CFAP47: variants seen among roughly 807,000 people sequenced by gnomAD.
CFAP47 encodes the protein cilia- and flagella-associated protein 47.
In CFAP47, 29 loss-of-function variants were observed where a neutral mutation model predicts 148.1. The ratio of observed to expected loss-of-function variants is 0.20; its 90% CI spans 0.15 to 0.27. The LOEUF (loss-of-function observed/expected upper bound fraction) is 0.27. CFAP47 is among the 10% of genes least tolerant of loss of function. CFAP47 has a pLI of 1.00. For synonymous variants in CFAP47, 664 were observed against 577.3 expected (o/e 1.15, Z -2.15); for missense variants, 1,872 against 1,697.5 (o/e 1.10, Z -1.81).
intron 51 of CFAP47, among the ~76,000 whole-genome samples, chrX:36,291,604 A>G (rs1248736405): frequency 9.3e-6 from 1 of 107,546 alleles, no homozygotes; most frequent in African/African-American, 3.4e-5. Context: ...GGATTCATTT[A>G]TGCAAGTTCA....
Position 36,204,507 on chromosome X carries a change from T to A in CFAP47, c.6664-450T>A, listed in dbSNP as rs147241949. ...GACGAGTTAATGGGTGCAGCACACC[T>A]ACATGGCACATGTATACATATGTAA... On this transcript the variant is annotated intron_variant, in intron 44 of 63. Transcript: ENST00000378653. Among the ~76,000 whole-genome samples the A allele has an allele frequency of 7.1e-3, 791 of 110,850 alleles. 5 individuals are homozygous for A. The highest frequency in any genetic ancestry group is 0.025 in the African/African-American group (749 of 30,440).
intron 3 of CFAP47, among the ~76,000 whole-genome samples, chrX:35,946,175 C>A (rs1936082929): frequency 9.0e-6 from 1 of 111,312 alleles, no homozygotes; most frequent in Non-Finnish European, 1.9e-5. Flanking sequence ...ACCTGGCCAA[C>A]ATTCTTTTTT....
chrX:36,246,775 A>G (rs1940621380), intron 48 of CFAP47, among the ~76,000 whole-genome samples: 1 of 111,530 alleles, frequency 9.0e-6, no homozygotes, highest in Non-Finnish European at 1.9e-5. Context: ...GTCAAATAAT[A>G]ACAGATGTTG....
chrX:36,133,611 C>A (rs1228044179), intron 33 of CFAP47, among the ~76,000 whole-genome samples: 1 of 110,095 alleles, frequency 9.1e-6, no homozygotes, highest in East Asian at 2.9e-4. Context: ...GATCTAATTA[C>A]CTCCTAAAAG....
intron 25 of CFAP47, among the ~76,000 whole-genome samples, chrX:36,043,842 C>T (rs759842661): frequency 1.8e-5 from 2 of 112,612 alleles, no homozygotes; most frequent in African/African-American, 6.4e-5. Context: ...CACATACAAC[C>T]CTACATTTCC....
At chrX:36,112,032 GT>G (rs776269604) in intron 33 of CFAP47, among the ~76,000 whole-genome samples, 4 of 110,711 alleles carry the variant, frequency 3.6e-5, no homozygotes, top group Non-Finnish European at 5.7e-5. Flanking sequence ...CTATTTCATT[GT>G]TTTTTCACAA....
Position 36,300,956 on chromosome X carries a change from G to T in CFAP47, c.7863-116G>T. 9.1e-6 allele frequency: 4 copies of T among 441,126 alleles called. No homozygotes were observed. In the South Asian group the frequency reaches 1.3e-4, roughly 15 times the overall value. 36.4% of individuals were successfully genotyped at this position (441,126 alleles called of 1,213,427 possible). ...GAGTAGTATGTGTTACAGAGTAGTT[G>T]TCAAATGTTGTATTTAAAACCAACT... On this transcript the variant is annotated intron_variant, in intron 52 of 63. Coordinates refer to ENST00000378653, the MANE Select transcript of CFAP47 (RefSeq NM_001304548.2).
At chrX:36,270,461 T>G (rs1602082394) in intron 49 of CFAP47, among the ~76,000 whole-genome samples, 1 of 108,945 alleles carries the variant, frequency 9.2e-6, no homozygotes, top group East Asian at 2.9e-4. Context: ...CTATGTATCT[T>G]GTTTACTAAA....
chrX:36,110,397 A>G (rs1433245857), intron 33 of CFAP47, among the ~76,000 whole-genome samples: 4 of 110,256 alleles, frequency 3.6e-5, no homozygotes, highest in African/African-American at 1.3e-4. Flanking sequence ...TTTTTTGTCA[A>G]TTTTGTCAAA....
chrX:36,029,374 T>G (rs1937256202), intron 22 of CFAP47, among the ~76,000 whole-genome samples: 1 of 111,414 alleles, frequency 9.0e-6, no homozygotes, highest in Non-Finnish European at 1.9e-5. Flanking sequence ...TTTTTTAGTT[T>G]CTATTTCATT....
intron 21 of CFAP47, among the ~76,000 whole-genome samples, chrX:36,010,613 A>G (rs1937028552): frequency 9.1e-6 from 1 of 109,910 alleles, no homozygotes; most frequent in Admixed American, 9.8e-5. Context: ...ACCCGCCACC[A>G]TGCCTGGCTA....
At chrX:36,191,738 C>T (rs1386297067) in intron 42 of CFAP47, among the ~76,000 whole-genome samples, 1 of 111,317 alleles carries the variant, frequency 9.0e-6, no homozygotes, top group African/African-American at 3.3e-5. Flanking sequence ...AATTCCAGCA[C>T]TTTGGGAAGC....
chrX:36,004,305 C>T (rs1343865695), intron 21 of CFAP47, among the ~76,000 whole-genome samples: 4 of 110,982 alleles, frequency 3.6e-5, no homozygotes, highest in Admixed American at 9.6e-5. Flanking sequence ...TATACACCAA[C>T]GACCAAGCCA....
At chrX:36,258,401 T>G (rs1012727429) in intron 49 of CFAP47, among the ~76,000 whole-genome samples, 2 of 111,888 alleles carry the variant, frequency 1.8e-5, no homozygotes, top group Admixed American at 1.9e-4. Flanking sequence ...ATAATTTTCT[T>G]TACAATGAGA....
At chrX:36,234,205 A>G (rs1405305716) in intron 46 of CFAP47, among the ~76,000 whole-genome samples, 1 of 110,128 alleles carries the variant, frequency 9.1e-6, no homozygotes, top group Non-Finnish European at 1.9e-5. Flanking sequence ...TATCCTGCAG[A>G]GTGTTTTCCA....
intron 57 of CFAP47, among the ~76,000 whole-genome samples, chrX:36,342,342 G>A (rs782634167): frequency 8.9e-6 from 1 of 112,004 alleles, no homozygotes; most frequent in Non-Finnish European, 1.9e-5. Flanking sequence ...TAAATGTAGG[G>A]TGATGGCATT....
At chrX:36,383,739 A>G (rs1482165763) in intron 63 of CFAP47, among the ~76,000 whole-genome samples, 1 of 110,952 alleles carries the variant, frequency 9.0e-6, no homozygotes, top group African/African-American at 3.3e-5. Flanking sequence ...TGCACTTAAT[A>G]TTAATTGACA....
rs185158234 is a variant in CFAP47 at position 36,127,589 on chromosome X, T to A, written c.5321-10369T>A. Among the ~76,000 whole-genome samples the A allele has an allele frequency of 8.1e-5, 9 of 111,729 alleles. No homozygotes were observed. In the East Asian group the frequency reaches 2.0e-3, roughly 25 times the overall value. The stretch of plus-strand genomic sequence containing the variant: ...CTTGGCTATGCGGTCTCTTTTTTGG[T>A]TCCATATGAAGTTTAAAGTAGTTGT... On this transcript the variant is annotated intron_variant, in intron 33 of 63. Coordinates refer to ENST00000378653, the MANE Select transcript of CFAP47 (RefSeq NM_001304548.2).
At position 36,361,659 on chromosome X, in the gene CFAP47, T is replaced by C. The variant is rs1264935695; in HGVS notation, c.9023+158T>C. 3.6e-5 allele frequency among the ~76,000 whole-genome samples: 4 copies of C among 111,996 alleles called. No individual in the cohort carries two copies. The Admixed American group carries it at 3.8e-4, about 11-fold the overall frequency. ...CTAGATTACATCTAGCTACAAAAAATATTCTCATGAGAAGAATGTAGTCTA... is the reference window on the plus strand; with the variant it reads ...CTAGATTACATCTAGCTACAAAAAACATTCTCATGAGAAGAATGTAGTCTA... On this transcript the variant is annotated intron_variant, in intron 61 of 63. Coordinates refer to ENST00000378653, the MANE Select transcript of CFAP47 (RefSeq NM_001304548.2).
Sources: gnomAD v4.1 joint callset for allele counts (sites outside exome capture counted in the v4.1 genomes callset) on GRCh38, gnomAD v4.1.1 for gene constraint, MANE v1.5 for transcripts, NCBI Gene and HGNC (gene_info 2026-07-23, HGNC 2026-07-21) for gene names.